OVCH1: variants seen among roughly 807,000 people sequenced by gnomAD.
OVCH1 encodes ovochymase-1.
Under a neutral mutation model 138.4 loss-of-function variants are expected in OVCH1, and 139 were observed. The observed-to-expected ratio is 1.00, with a 90% CI of 0.87 to 1.16. The LOEUF is 1.16. Among genes scored for constraint, OVCH1 ranks in the 50% most tolerant of loss-of-function variants. The probability of loss-of-function intolerance (pLI) is 0.00; values close to 1 mark genes in which losing one functional copy is unlikely to be tolerated. For synonymous variants in OVCH1, 453 were observed against 467.8 expected (o/e 0.97, Z 0.41); for missense variants, 1,367 against 1,357.9 (o/e 1.01, Z -0.11).
At chr12:29,495,592 TTGAG>T (rs1416875595) in intron 3 of OVCH1, 135 bp from the exon 4 acceptor site, 43 of 776,236 alleles carry the variant, frequency 5.5e-5, no homozygotes, top group East Asian at 1.7e-4. Flanking sequence ...TTCCTTATTA[TTGAG>T]TATTACCAAT....
intron 24 of OVCH1, 67 bp from the exon 25 acceptor site, chr12:29,443,567 C>A: frequency 7.0e-7 from 1 of 1,419,056 alleles, no homozygotes. Context: ...TTATTTTGCT[C>A]AGAAATTAAT....
chr12:29,497,340 T>C (rs1035840133), intron 1 of OVCH1, among the ~76,000 whole-genome samples: 88 of 152,156 alleles, frequency 5.8e-4, no homozygotes, highest in African/African-American at 2.1e-3. Flanking sequence ...TTAAGTTACT[T>C]CTACTTGGTT....
intron 13 of OVCH1, 108 bp downstream of exon 13, chr12:29,476,098 G>C: frequency 1.1e-6 from 1 of 886,642 alleles, no homozygotes; most frequent in East Asian, 2.4e-5. Context: ...TCCAAAGCAA[G>C]AAATTCACAT....
chr12:29,497,670 C>T (rs1472930765), exon 1 of OVCH1: 1 of 1,614,058 alleles, frequency 6.2e-7, no homozygotes, highest in African/African-American at 1.3e-5. Flanking sequence ...CAAACCAGCA[C>T]TGGCCAGCAG....
downstream of OVCH1, among the ~76,000 whole-genome samples, chr12:29,408,249 G>A (rs1370318353): frequency 1.6e-5 from 2 of 127,216 alleles, no homozygotes; most frequent in African/African-American, 5.1e-5. Context: ...CATGTTGTCT[G>A]CAAACAGGGA....
chr12:29,431,573 TTTAA>T (rs1478517583), intron 27 of OVCH1, among the ~76,000 whole-genome samples: 1 of 104,624 alleles, frequency 9.6e-6, no homozygotes, highest in Non-Finnish European at 2.0e-5. Context: ...TTTCCCCCTA[TTTAA>T]TTTATTGTGA....
At chr12:29,413,424 A>G (rs1194519286) in intron 3 of OVCH1, among the ~76,000 whole-genome samples, 2 of 152,178 alleles carry the variant, frequency 1.3e-5, no homozygotes, top group Non-Finnish European at 2.9e-5. Flanking sequence ...GAGAAAATAT[A>G]ACTCTCTTCC....
At chr12:29,442,654 A>G (rs1284405318) in intron 25 of OVCH1, among the ~76,000 whole-genome samples, 1 of 151,784 alleles carries the variant, frequency 6.6e-6, no homozygotes, top group Non-Finnish European at 1.5e-5. Context: ...AAAAAAAGAA[A>G]TTTTATGATG....
At chr12:29,451,479 G>C (rs1941793710) in exon 22 of OVCH1, 7 of 1,613,332 alleles carry the variant, frequency 4.3e-6, no homozygotes, top group Non-Finnish European at 5.9e-6. Flanking sequence ...GAGCACCCAA[G>C]AACATTCCAG....
chr12:29,480,372 G>A (rs552632991), intron 8 of OVCH1, among the ~76,000 whole-genome samples: 1 of 152,280 alleles, frequency 6.6e-6, no homozygotes, highest in East Asian at 1.9e-4. Context: ...TGGAACTGTA[G>A]TTTAGGCTTT....
chr12:29,450,461 A>G (rs1050385127), intron 22 of OVCH1, among the ~76,000 whole-genome samples: 1 of 152,246 alleles, frequency 6.6e-6, no homozygotes, highest in Non-Finnish European at 1.5e-5. Flanking sequence ...TAAAACCACA[A>G]TAAGATACCA....
chr12:29,402,684 A>G, the OVCH1 span, among the ~76,000 whole-genome samples: 1 of 151,838 alleles, frequency 6.6e-6, no homozygotes, highest in Non-Finnish European at 1.5e-5. Context: ...TTAATTGAAA[A>G]AAAAGTAGAG....
At chr12:29,416,179 A>G (rs1941029117) in intron 3 of OVCH1, among the ~76,000 whole-genome samples, 2 of 152,180 alleles carry the variant, frequency 1.3e-5, no homozygotes, top group African/African-American at 2.4e-5. Flanking sequence ...AAGGATCATG[A>G]AATTAAATGT....
intron 25 of OVCH1, among the ~76,000 whole-genome samples, chr12:29,439,592 A>AT (rs772474403): frequency 3.9e-5 from 6 of 152,126 alleles, no homozygotes; most frequent in African/African-American, 9.7e-5. Flanking sequence ...GATGTATGGG[A>AT]TTTTTTCCCT....
At chr12:29,449,488 C>T (rs1197571497) in intron 22 of OVCH1, among the ~76,000 whole-genome samples, 2 of 151,980 alleles carry the variant, frequency 1.3e-5, no homozygotes, top group East Asian at 1.9e-4. Flanking sequence ...TGCTTTCTAT[C>T]CATGACCATG....
At chr12:29,490,895 T>C (rs1284200416) in intron 5 of OVCH1, among the ~76,000 whole-genome samples, 2 of 152,218 alleles carry the variant, frequency 1.3e-5, no homozygotes, top group African/African-American at 2.4e-5. Flanking sequence ...CCATACCAAA[T>C]TGGCAGCAGC....
exon 12 of OVCH1, chr12:29,477,194 C>T: frequency 6.2e-7 from 1 of 1,613,786 alleles, no homozygotes; most frequent in Non-Finnish European, 8.5e-7. Flanking sequence ...TGATTTGTCC[C>T]TTCTTCTACC....
chr12:29,445,862 A>G (rs1034563874), intron 22 of OVCH1, among the ~76,000 whole-genome samples: 4 of 152,154 alleles, frequency 2.6e-5, no homozygotes, highest in Non-Finnish European at 4.4e-5. Context: ...GAAAATTATA[A>G]TCATAATTCT....
At chr12:29,424,940 A>G (rs1941158756), downstream of OVCH1, among the ~76,000 whole-genome samples, 1 of 152,196 alleles carries the variant, frequency 6.6e-6, no homozygotes, top group South Asian at 2.1e-4. Context: ...TTGGAGGAGG[A>G]ATCAGTGGTC....
Sources: gnomAD v4.1 joint callset for allele counts (sites outside exome capture counted in the v4.1 genomes callset) on GRCh38, gnomAD v4.1.1 for gene constraint, MANE v1.5 for transcripts, NCBI Gene and HGNC (gene_info 2026-07-23, HGNC 2026-07-21) for gene names.